The following MGA variants were observed in gnomAD, a reference collection of about 807,000 sequenced individuals.
MGA encodes the protein MAX dimerization protein MGA.
Under a neutral mutation model 261.1 loss-of-function variants are expected in MGA, and 40 were observed. That is an observed-to-expected ratio of 0.15 (90% CI 0.12 to 0.20). MGA has a LOEUF of 0.20. Among genes scored for constraint, MGA ranks in the 10% least tolerant of loss-of-function variants. The pLI is 1.00. For synonymous variants in MGA, 1,302 were observed against 1,290.6 expected, an observed-to-expected ratio of 1.01 and a Z score of -0.19; for missense variants, 3,397 against 3,630.5, an observed-to-expected ratio of 0.94 and a Z score of 1.65.
intron 2 of MGA, among the ~76,000 whole-genome samples, chr15:41,691,423 A>G (rs2059278387): frequency 6.6e-6 from 1 of 152,158 alleles, no homozygotes; most frequent in African/African-American, 2.4e-5. Flanking sequence ...TAGTTCTAAT[A>G]GTTTTTTAGT....
At chr15:41,698,393 C>T (rs982603792) in intron 3 of MGA, among the ~76,000 whole-genome samples, 2 of 151,972 alleles carry the variant, frequency 1.3e-5, no homozygotes, top group African/African-American at 2.4e-5. Flanking sequence ...TCTCAATCTC[C>T]TGACCTTGTG....
intron 1 of MGA, among the ~76,000 whole-genome samples, chr15:41,650,966 A>G (rs2057030091): frequency 6.6e-6 from 1 of 152,156 alleles, no homozygotes; most frequent in Non-Finnish European, 1.5e-5. Flanking sequence ...TTTATAAACA[A>G]TAGAGGTTTA....
chr15:41,641,232 C>T (rs1035772685), intron 1 of MGA, among the ~76,000 whole-genome samples: 2 of 152,144 alleles, frequency 1.3e-5, no homozygotes, highest in Non-Finnish European at 2.9e-5. Context: ...ATCCATTCTT[C>T]AGTTGATGAA....
chr15:41,652,814 T>C (rs2057094872), intron 1 of MGA, among the ~76,000 whole-genome samples: 1 of 152,104 alleles, frequency 6.6e-6, no homozygotes. Context: ...TTTTTATTTA[T>C]TCATTTTCCC....
In MGA at chr15:41,762,314, A is replaced by G; in HGVS notation, c.7696A>G (p.Arg2566Gly). The G allele has an allele frequency of 6.2e-7, 1 of 1,613,944 alleles. No homozygotes were observed. Among genetic ancestry groups the G allele is most frequent in the Non-Finnish European group, 8.5e-7 (1 of 1,179,878 alleles). Residue 2566 changes from arginine to glycine, a missense_variant, in exon 22 of 24, where the codon AGG becomes GGG. Arg to Gly is a moderately radical substitution (Grantham distance 125). Coordinates refer to ENST00000219905, the MANE Select transcript of MGA (RefSeq NM_001164273.2). The stretch of plus-strand genomic sequence containing the variant: ...TCTTGGACAGATGTTTATAAATAAC[A>G]GGAGGGGGAAACCTTTGATTCTTTC...
intron 9 of MGA, among the ~76,000 whole-genome samples, chr15:41,715,183 T>C (rs566007779): frequency 6.8e-6 from 1 of 147,062 alleles, no homozygotes; most frequent in African/African-American, 2.5e-5. Flanking sequence ...AGAGTCTCAC[T>C]CTGTTGCCCA....
intron 13 of MGA, 107 bp downstream of exon 13, chr15:41,736,805 C>G: frequency 8.1e-7 from 1 of 1,241,984 alleles, no homozygotes; most frequent in Non-Finnish European, 1.1e-6. Context: ...TTGACATTTC[C>G]TGGGAACTGG....
At position 41,725,858 on chromosome 15, in the gene MGA, A is replaced by AT; in HGVS notation, c.3431-1322_3431-1321insT. 1.7e-4 allele frequency among the ~76,000 whole-genome samples: 2 copies of AT among 11,952 alleles called. 1 individual carries two copies. The highest frequency in any genetic ancestry group is 5.0e-4 in the Non-Finnish European group (2 of 4,030). 7.8% of individuals were successfully genotyped at this position (11,952 alleles called of 152,430 possible). ...TCAAAAAAAAAAAAAAAAAAAAAAT[A>AT]AATAAATAAATAAATAAATAAGTAA... On this transcript the variant is annotated intron_variant, in intron 9 of 23. Transcript: ENST00000219905.
chr15:41,767,349 A>T lies in MGA; in HGVS notation c.*69A>T. 6.7e-7 allele frequency: 1 copy of T among 1,484,706 alleles called. No individual in the cohort carries two copies. The highest frequency in any genetic ancestry group is 9.1e-7 in the Non-Finnish European group (1 of 1,102,990). The allele number at this position is 1,484,706 out of a possible 1,614,324, so 92.0% of individuals were successfully genotyped here. ...GATCTCACCTCCTTTCTCTGCAGGC[A>T]TCTGTTTGTTTGTGTCTTAGAACTT... On this transcript the variant is annotated 3_prime_UTR_variant, in exon 24 of 24. Coordinates refer to ENST00000219905, the MANE Select transcript of MGA (RefSeq NM_001164273.2).
chr15:41,688,940 G>T (rs2059116200), intron 2 of MGA, among the ~76,000 whole-genome samples: 2 of 152,084 alleles, frequency 1.3e-5, no homozygotes, highest in South Asian at 4.1e-4. Flanking sequence ...CATGGGGGGA[G>T]CGGGGGATGT....
At chr15:41,737,971 T>G (rs1370132762) in intron 13 of MGA, among the ~76,000 whole-genome samples, 1 of 148,168 alleles carries the variant, frequency 6.7e-6, no homozygotes, top group African/African-American at 2.5e-5. Flanking sequence ...CAGAGGGAGA[T>G]TGTCTCAAAA....
At chr15:41,707,009 T>A (rs1251647651) in intron 5 of MGA, among the ~76,000 whole-genome samples, 1 of 152,192 alleles carries the variant, frequency 6.6e-6, no homozygotes, top group Non-Finnish European at 1.5e-5. Flanking sequence ...TAACCATAAA[T>A]GTCATTAATA....
chr15:41,748,710 G>T lies in MGA; in HGVS notation c.5286G>T (p.Leu1762Phe). The change falls in exon 16 of 24, where the codon TTG (leucine) becomes TTT (phenylalanine). Residue 1762 changes from leucine (L) to phenylalanine (F), a missense_variant. Leu to Phe is a conservative substitution (Grantham distance 22, BLOSUM62 0). Around this residue, in one of 9 missense-constraint regions of MGA, gnomAD observed 1,410 missense variants for 1,386.4 expected, o/e 1.02. Coordinates refer to ENST00000219905, the MANE Select transcript of MGA (RefSeq NM_001164273.2). ...CAGTGAAACGTGCTGGACCTCGATT[G>T]TTGTTGATTCCAGTGCAGCAGGGTT... 6.2e-7 allele frequency: 1 copy of T among 1,613,952 alleles called. No individual in the cohort carries two copies. The highest frequency in any genetic ancestry group is 8.5e-7 in the Non-Finnish European group (1 of 1,179,880).
chr15:41,741,163 A>G (rs1322152943), intron 14 of MGA, among the ~76,000 whole-genome samples: 1 of 152,136 alleles, frequency 6.6e-6, no homozygotes, highest in African/African-American at 2.4e-5. Context: ...CCTGGCCAAC[A>G]TGGTGAAACC....
intron 22 of MGA, among the ~76,000 whole-genome samples, chr15:41,763,162 C>T (rs1243536398): frequency 5.3e-5 from 7 of 133,120 alleles, no homozygotes; most frequent in African/African-American, 1.1e-4. Context: ...TGCAGTGGCG[C>T]GATCTTGGCT....
Position 41,750,115 on chromosome 15 carries a change from G to C in MGA, c.6508G>C (p.Asp2170His). The C allele has an allele frequency of 6.2e-7, 1 of 1,613,540 alleles. No homozygotes were observed. The highest frequency in any genetic ancestry group is 8.5e-7 in the Non-Finnish European group (1 of 1,179,804). Residue 2170 changes from aspartate to histidine, a missense_variant, in exon 17 of 24, where the codon GAC (aspartate) becomes CAC (histidine). Physicochemically the swap from Asp to His is moderately conservative, Grantham distance 81 (BLOSUM62 -1). This residue lies in a region of MGA where 1,410 missense variants were observed against 1,386.4 expected (regional missense o/e 1.02). Coordinates refer to ENST00000219905, the MANE Select transcript of MGA (RefSeq NM_001164273.2). ...GGAATGTGGAGACTCTCTGGAGAAA[G>C]ACAGGGAAAGATGGAGAAAACATCT...
chr15:41,728,025 C>T (rs1000685167), intron 10 of MGA, among the ~76,000 whole-genome samples: 10 of 152,234 alleles, frequency 6.6e-5, no homozygotes, highest in Non-Finnish European at 1.5e-4. Flanking sequence ...TGTTTCTGGT[C>T]TGTGATGAAA....
chr15:41,664,709 C>G (rs2057627247), intron 1 of MGA, among the ~76,000 whole-genome samples: 1 of 152,022 alleles, frequency 6.6e-6, no homozygotes, highest in East Asian at 1.9e-4. Flanking sequence ...TAAGTACAAG[C>G]TAGGAGTTTG....
At chr15:41,718,419 G>T in intron 9 of MGA, 1 of 1,283,454 alleles carries the variant, frequency 7.8e-7, no homozygotes. Context: ...GGCAAACACA[G>T]ATCGCAGGTA....
Sources: allele counts gnomAD v4.1 joint callset (sites outside exome capture counted in the v4.1 genomes callset), GRCh38; gene constraint gnomAD v4.1.1; regional missense constraint gnomAD v4.1.1; transcripts MANE v1.5; gene names NCBI Gene and HGNC (gene_info 2026-07-23, HGNC 2026-07-21).